Variants in TAS2R1 observed in about 807,000 individuals in gnomAD.
TAS2R1 encodes taste receptor type 2 member 1.
For synonymous variants in TAS2R1, 141 were observed against 134.2 expected, an observed-to-expected ratio of 1.05 and a Z score of -0.35; for missense variants, 370 against 353.4, an observed-to-expected ratio of 1.05 and a Z score of -0.38.
At chr5:9,633,293 A>ATATTATATATATATATATAT (rs1561364890), upstream of TAS2R1, among the ~76,000 whole-genome samples, 1 of 62,568 alleles carries the variant, frequency 1.6e-5, no homozygotes, top group African/African-American at 7.1e-5. Context: ...GTGTGTGTAT[A>ATATTATATATATATATATAT]TTATATATAT....
the TAS2R1 span, among the ~76,000 whole-genome samples, chr5:9,786,832 C>T: frequency 1.3e-4 from 20 of 152,232 alleles, no homozygotes; most frequent in Non-Finnish European, 2.4e-4. Flanking sequence ...CCTTGCTCTT[C>T]AGTCCCACCT....
the TAS2R1 span, among the ~76,000 whole-genome samples, chr5:9,872,682 T>C: frequency 6.6e-6 from 1 of 152,244 alleles, no homozygotes; most frequent in Non-Finnish European, 1.5e-5. Flanking sequence ...CCTGTGAATT[T>C]ATCCTACCCT....
At chr5:9,887,437 CTCA>C in the TAS2R1 span, among the ~76,000 whole-genome samples, 1 of 152,158 alleles carries the variant, frequency 6.6e-6, no homozygotes, top group Non-Finnish European at 1.5e-5. Context: ...TCTCAGCACT[CTCA>C]TCAAGCAGAA....
At chr5:9,684,042 A>G (rs1741079463) in intron 1 of TAS2R1, among the ~76,000 whole-genome samples, 2 of 152,202 alleles carry the variant, frequency 1.3e-5, no homozygotes, top group African/African-American at 4.8e-5. Context: ...CAATCCCACT[A>G]CTGGCATTCA....
intron 1 of TAS2R1, among the ~76,000 whole-genome samples, chr5:9,683,997 G>T (rs1165772551): frequency 6.6e-6 from 1 of 151,128 alleles, no homozygotes; most frequent in Non-Finnish European, 1.5e-5. Flanking sequence ...GGGATTATAG[G>T]AGAAGACCAG....
chr5:9,835,054 G>C, the TAS2R1 span, among the ~76,000 whole-genome samples: 2 of 152,186 alleles, frequency 1.3e-5, no homozygotes, highest in Non-Finnish European at 2.9e-5. Flanking sequence ...CTAGGGGCAC[G>C]GCAGCAGCTC....
chr5:9,755,231 G>A, the TAS2R1 span, among the ~76,000 whole-genome samples: 3 of 152,112 alleles, frequency 2.0e-5, no homozygotes, highest in South Asian at 4.2e-4. Context: ...CTTGGATACT[G>A]CAAAAGAAAG....
In TAS2R1 at chr5:9,702,482, C is replaced by T. The variant is rs188974861; in HGVS notation, c.-242+9690G>A. On this transcript the variant is annotated intron_variant, in intron 1 of 2. Transcript: ENST00000506620. Reference sequence around the variant, plus strand: ...ATCTGGTCCAAACTGCCGTTGGTGCCGAGGGGGAAAATCTATGTAGATCCT... The same window carrying T: ...ATCTGGTCCAAACTGCCGTTGGTGCTGAGGGGGAAAATCTATGTAGATCCT... Among the ~76,000 whole-genome samples the T allele has an allele frequency of 1.2e-3, 180 of 151,994 alleles. 3 individuals are homozygous for T. The highest frequency in any genetic ancestry group is 1.7e-3 in the Non-Finnish European group (117 of 67,986).
intron 2 of TAS2R1, among the ~76,000 whole-genome samples, chr5:9,642,204 G>A (rs140080764): frequency 2.6e-5 from 4 of 152,182 alleles, no homozygotes; most frequent in East Asian, 1.9e-4. Context: ...TCTGCTTTCC[G>A]GCGGCACTTG....
At chr5:9,872,936 GC>G in the TAS2R1 span, among the ~76,000 whole-genome samples, 1 of 152,076 alleles carries the variant, frequency 6.6e-6, no homozygotes, top group Non-Finnish European at 1.5e-5. Context: ...ACATGCTCTG[GC>G]CTAATAATAA....
chr5:9,668,502 A>G (rs1740685070), intron 1 of TAS2R1, among the ~76,000 whole-genome samples: 1 of 152,170 alleles, frequency 6.6e-6, no homozygotes, highest in African/African-American at 2.4e-5. Context: ...TGTTAAAGAC[A>G]GCCAGAGAGA....
intron 1 of TAS2R1, among the ~76,000 whole-genome samples, chr5:9,660,290 A>G (rs1251506176): frequency 7.5e-6 from 1 of 132,470 alleles, no homozygotes; most frequent in Non-Finnish European, 1.5e-5. Flanking sequence ...GTTAGCCAGG[A>G]TGGTCTCAAT....
At chr5:9,831,900 CTTAT>C in the TAS2R1 span, among the ~76,000 whole-genome samples, 3 of 152,144 alleles carry the variant, frequency 2.0e-5, no homozygotes, top group African/African-American at 7.2e-5. Context: ...CACTGAATCA[CTTAT>C]TTGTTGGGAA....
the TAS2R1 span, among the ~76,000 whole-genome samples, chr5:9,766,276 T>C: frequency 6.6e-6 from 1 of 152,270 alleles, no homozygotes; most frequent in Non-Finnish European, 1.5e-5. Context: ...AATAAATGTT[T>C]ACAAATGCTT....
chr5:9,783,736 A>G, the TAS2R1 span, among the ~76,000 whole-genome samples: 2 of 152,196 alleles, frequency 1.3e-5, no homozygotes, highest in African/African-American at 4.8e-5. Flanking sequence ...TTTTTTTATT[A>G]TAACAGAAAA....
chr5:9,894,713 A>G, the TAS2R1 span, among the ~76,000 whole-genome samples: 1 of 152,258 alleles, frequency 6.6e-6, no homozygotes, highest in Admixed American at 6.5e-5. Context: ...AAGGAAGGCT[A>G]TAAACAGATT....
chr5:9,655,889 CT>C (rs1334639279), intron 2 of TAS2R1, among the ~76,000 whole-genome samples: 24 of 146,416 alleles, frequency 1.6e-4, no homozygotes, highest in African/African-American at 6.0e-4. Context: ...TTTGTTTTTC[CT>C]TTTCAGAACC....
At chr5:9,827,696 T>C in the TAS2R1 span, among the ~76,000 whole-genome samples, 1 of 152,102 alleles carries the variant, frequency 6.6e-6, no homozygotes, top group Non-Finnish European at 1.5e-5. Flanking sequence ...AGTGGGACTA[T>C]CACTTGAACC....
the TAS2R1 span, among the ~76,000 whole-genome samples, chr5:9,755,809 G>A: frequency 6.6e-6 from 1 of 152,154 alleles, no homozygotes; most frequent in Non-Finnish European, 1.5e-5. Context: ...GTAACTTTCT[G>A]ACATTGCTAT....
Sources: gnomAD v4.1 joint callset for allele counts (sites outside exome capture counted in the v4.1 genomes callset) on GRCh38, gnomAD v4.1.1 for gene constraint, MANE v1.5 for transcripts, NCBI Gene and HGNC (gene_info 2026-07-23, HGNC 2026-07-21) for gene names.